The following CACNG7 variants were observed in gnomAD, a reference collection of about 807,000 sequenced individuals.
CACNG7 encodes calcium voltage-gated channel auxiliary subunit gamma 7, also known as voltage-dependent calcium channel gamma-7 subunit.
Under a neutral mutation model 26.3 loss-of-function variants are expected in CACNG7, and 9 were observed. The ratio of observed to expected loss-of-function variants is 0.34; its 90% CI spans 0.21 to 0.60. The LOEUF (loss-of-function observed/expected upper bound fraction) is 0.60, where lower values mean the gene tolerates loss of function less well. Among genes scored for constraint, CACNG7 ranks in the 20% least tolerant of loss-of-function variants. The pLI is 0.81. For missense variants in CACNG7, 297 were observed against 380.4 expected, an observed-to-expected ratio of 0.78 and a Z score of 1.82; for synonymous variants, 170 against 157.0, an observed-to-expected ratio of 1.08 and a Z score of -0.62.
At chr19:53,925,274 G>C (rs1297743986) in intron 4 of CACNG7, among the ~76,000 whole-genome samples, 1 of 146,480 alleles carries the variant, frequency 6.8e-6, no homozygotes, top group East Asian at 2.1e-4. Context: ...CCCCAGGTCT[G>C]GTCATTGGTG....
At chr19:53,918,698 G>C (rs78094911) in intron 4 of CACNG7, among the ~76,000 whole-genome samples, 2,712 of 152,268 alleles carry the variant, frequency 0.018, 74 homozygotes, top group African/African-American at 0.061. Context: ...GGTGGTGCTG[G>C]TGCTGGTGAT....
chr19:53,930,983 C>T (rs2069068001), intron 4 of CACNG7, among the ~76,000 whole-genome samples: 1 of 151,118 alleles, frequency 6.6e-6, no homozygotes, highest in African/African-American at 2.4e-5. Context: ...ATTACTTGAG[C>T]TCAGGAGTTC....
intron 2 of CACNG7, among the ~76,000 whole-genome samples, chr19:53,914,290 A>AAAAAAG (rs2068880695): frequency 3.0e-5 from 3 of 101,670 alleles, no homozygotes; most frequent in African/African-American, 9.8e-5. Context: ...AAAAAAAAGA[A>AAAAAAG]AAAAAGAAAA....
At chr19:53,934,599 CCT>C (rs1223381761) in intron 4 of CACNG7, among the ~76,000 whole-genome samples, 1 of 151,432 alleles carries the variant, frequency 6.6e-6, no homozygotes, top group East Asian at 1.9e-4. Context: ...ACATTGAGAC[CCT>C]GTCTCTTAAA....
chr19:53,925,739 G>T (rs572632530), intron 4 of CACNG7, among the ~76,000 whole-genome samples: 16 of 152,250 alleles, frequency 1.1e-4, no homozygotes, highest in Non-Finnish European at 2.2e-4. Flanking sequence ...ATGGACTAGA[G>T]GGAAAGAGAC....
intron 4 of CACNG7, among the ~76,000 whole-genome samples, chr19:53,924,756 A>G (rs2069009220): frequency 7.4e-6 from 1 of 135,690 alleles, no homozygotes; most frequent in South Asian, 2.4e-4. Context: ...TCATTGGTGG[A>G]CTTGCCTAGG....
At chr19:53,941,916 G>A in intron 5 of CACNG7, 120 bp from the exon 6 acceptor site, 3 of 1,314,674 alleles carry the variant, frequency 2.3e-6, no homozygotes, top group South Asian at 3.1e-5. Context: ...CTGATCCTGG[G>A]TCCTGGGATA....
In CACNG7 at chr19:53,939,172, C is replaced by T. The variant is rs1029057408; in HGVS notation, c.425-2298C>T. On this transcript the variant is annotated intron_variant, in intron 4 of 5. Coordinates refer to ENST00000391767, the MANE Select transcript of CACNG7 (RefSeq NM_031896.5). This position sits in a 1 kb window ranked among gnomAD's most constrained non-coding sequence, Gnocchi z 4.2. ...ACGCAGGAGGCTGAGGCAGGAGAAT[C>T]GCTTGAGTCCAGGAGGCAGAGGTTG... Among the ~76,000 whole-genome samples the T allele has an allele frequency of 2.6e-5, 4 of 152,076 alleles. No homozygotes were observed. The highest frequency in any genetic ancestry group is 7.2e-5 in the African/African-American group (3 of 41,408).
At chr19:53,914,625 G>T (rs376431747) in intron 3 of CACNG7, 39 bp downstream of exon 3, 1 of 1,571,488 alleles carries the variant, frequency 6.4e-7, no homozygotes, top group Non-Finnish European at 8.8e-7. Flanking sequence ...AAGACAGCAA[G>T]ATCACAGCCG....
intron 4 of CACNG7, among the ~76,000 whole-genome samples, chr19:53,920,535 G>C (rs867996287): frequency 0.014 from 19 of 1,386 alleles, no homozygotes; most frequent in Admixed American, 0.013. Context: ...CATTGGTGGA[G>C]TTGCCCCAGG....
chr19:53,913,054 A>C (rs758555876), intron 2 of CACNG7, 27 bp downstream of exon 2: 1 of 1,591,894 alleles, frequency 6.3e-7, no homozygotes, highest in South Asian at 1.1e-5. Context: ...TCTTCCACTC[A>C]ACAGTTTCTG....
intron 4 of CACNG7, among the ~76,000 whole-genome samples, chr19:53,917,566 A>G (rs1452217078): frequency 2.0e-5 from 3 of 152,184 alleles, no homozygotes; most frequent in Admixed American, 6.5e-5. Flanking sequence ...TTCCAGGGAA[A>G]GCAGGGTGCA....
chr19:53,913,799 A>AAG (rs1555809703), intron 2 of CACNG7, among the ~76,000 whole-genome samples: 20 of 150,432 alleles, frequency 1.3e-4, no homozygotes, highest in African/African-American at 4.7e-4. Context: ...AAAAAAAAAA[A>AAG]AAAAAAAAAG....
At chr19:53,913,546 C>T (rs571217547) in intron 2 of CACNG7, among the ~76,000 whole-genome samples, 1 of 151,794 alleles carries the variant, frequency 6.6e-6, no homozygotes, top group African/African-American at 2.4e-5. Flanking sequence ...CACTTGAACA[C>T]GGGAGGTGGA....
At chr19:53,928,017 G>T (rs915687936) in intron 4 of CACNG7, among the ~76,000 whole-genome samples, 1 of 151,550 alleles carries the variant, frequency 6.6e-6, no homozygotes, top group Non-Finnish European at 1.5e-5. Context: ...TGTAGTTGAG[G>T]GGGTGGGAGG....
At chr19:53,936,035 C>A (rs1374712354) in intron 4 of CACNG7, among the ~76,000 whole-genome samples, 1 of 150,484 alleles carries the variant, frequency 6.6e-6, no homozygotes, top group African/African-American at 2.4e-5. Flanking sequence ...AGTCTCCTTT[C>A]ATTTTTTTTT....
At chr19:53,914,952 A>G (rs566832274) in intron 3 of CACNG7, among the ~76,000 whole-genome samples, 3 of 151,368 alleles carry the variant, frequency 2.0e-5, no homozygotes, top group Non-Finnish European at 4.4e-5. Context: ...CAGTGAGCCA[A>G]GATTTCACCA....
chr19:53,923,991 G>T (rs2068995208), intron 4 of CACNG7, among the ~76,000 whole-genome samples: 1 of 135,644 alleles, frequency 7.4e-6, no homozygotes, highest in Non-Finnish European at 1.5e-5. Flanking sequence ...CCCCAGGCCT[G>T]GTCATTGGTG....
At chr19:53,931,013 T>C (rs1023575424) in intron 4 of CACNG7, among the ~76,000 whole-genome samples, 6 of 151,700 alleles carry the variant, frequency 4.0e-5, no homozygotes, top group African/African-American at 1.5e-4. Flanking sequence ...CTGGGCAACA[T>C]GGTAAAATCC....
Sources: gnomAD v4.1 joint callset for allele counts (sites outside exome capture counted in the v4.1 genomes callset) on GRCh38, gnomAD v4.1.1 for gene constraint, Gnocchi (gnomAD v3.1) non-coding constraint, MANE v1.5 for transcripts, NCBI Gene and HGNC (gene_info 2026-07-23, HGNC 2026-07-21) for gene names.